The following GRID2 variants were observed in gnomAD, a reference collection of about 807,000 sequenced individuals.
GRID2 encodes glutamate ionotropic receptor delta type subunit 2.
GRID2 carries 33 observed loss-of-function variants against 114.8 expected under a neutral mutation model. The ratio of observed to expected loss-of-function variants is 0.29; its 90% CI spans 0.22 to 0.38. The LOEUF (loss-of-function observed/expected upper bound fraction) is 0.38. Among genes scored for constraint, GRID2 ranks in the 10% least tolerant of loss-of-function variants. The probability of loss-of-function intolerance (pLI) is 1.00; values close to 1 mark genes in which losing one functional copy is unlikely to be tolerated. For missense variants in GRID2, 1,184 were observed against 1,257.7 expected (o/e 0.94, Z 0.89); for synonymous variants, 505 against 449.9 (o/e 1.12, Z -1.55).
intron 8 of GRID2, among the ~76,000 whole-genome samples, chr4:93,246,297 A>T (rs189862144): frequency 5.1e-4 from 77 of 152,220 alleles, no homozygotes; most frequent in African/African-American, 1.8e-3. Flanking sequence ...AGAAAATATT[A>T]TGAAGTAGGG....
chr4:93,030,654 G>A (rs1292843988), intron 2 of GRID2, among the ~76,000 whole-genome samples: 1 of 151,988 alleles, frequency 6.6e-6, no homozygotes, highest in Non-Finnish European at 1.5e-5. Flanking sequence ...CAAAGTGCGG[G>A]GATTACAGGT....
chr4:92,547,951 T>C (rs1054074205), intron 1 of GRID2, among the ~76,000 whole-genome samples: 1 of 151,914 alleles, frequency 6.6e-6, no homozygotes, highest in Non-Finnish European at 1.5e-5. Flanking sequence ...AAGAAGTAAA[T>C]AAAACAAACA....
chr4:92,707,134 A>G (rs532634737), intron 2 of GRID2, among the ~76,000 whole-genome samples: 4 of 152,324 alleles, frequency 2.6e-5, no homozygotes, highest in African/African-American at 7.2e-5. Context: ...TTACATGTCT[A>G]TAAGCTGAAT....
At chr4:93,417,329 T>A (rs910821460) in intron 9 of GRID2, among the ~76,000 whole-genome samples, 11 of 152,076 alleles carry the variant, frequency 7.2e-5, no homozygotes, top group Admixed American at 6.6e-4. Flanking sequence ...AATCTTCAAT[T>A]CCCTGTCAAG....
At chr4:93,555,990 AC>A (rs1482318005) in intron 13 of GRID2, among the ~76,000 whole-genome samples, 1 of 152,100 alleles carries the variant, frequency 6.6e-6, no homozygotes, top group Non-Finnish European at 1.5e-5. Context: ...CCTCCAGCAA[AC>A]TCCAGCAGAC....
intron 2 of GRID2, among the ~76,000 whole-genome samples, chr4:92,887,212 C>G (rs1338814057): frequency 7.2e-5 from 11 of 152,170 alleles, no homozygotes; most frequent in Admixed American, 7.2e-4. Context: ...GAAAGCCCAG[C>G]AACATAATGT....
At chr4:93,585,743 C>T (rs544762254) in intron 13 of GRID2, among the ~76,000 whole-genome samples, 1 of 151,978 alleles carries the variant, frequency 6.6e-6, no homozygotes, top group Non-Finnish European at 1.5e-5. Flanking sequence ...CAAACTAGAT[C>T]CTGCCCAGAC....
intron 7 of GRID2, among the ~76,000 whole-genome samples, chr4:93,227,482 C>T (rs1195867377): frequency 6.6e-6 from 1 of 152,112 alleles, no homozygotes; most frequent in Non-Finnish European, 1.5e-5. Flanking sequence ...CTGCCTCAGC[C>T]TCCCAAAGTG....
chr4:93,568,955 TC>T (rs1295448062), intron 13 of GRID2, among the ~76,000 whole-genome samples: 1 of 152,134 alleles, frequency 6.6e-6, no homozygotes, highest in Non-Finnish European at 1.5e-5. Flanking sequence ...AAGATTTACT[TC>T]CAACACCTGT....
intron 12 of GRID2, among the ~76,000 whole-genome samples, chr4:93,509,636 T>A (rs1162991643): frequency 1.3e-5 from 2 of 152,152 alleles, no homozygotes; most frequent in Non-Finnish European, 2.9e-5. Context: ...TCCCAAAGAT[T>A]GAAACACAAA....
chr4:93,314,938 T>C (rs1386376429), intron 8 of GRID2, among the ~76,000 whole-genome samples: 1 of 152,132 alleles, frequency 6.6e-6, no homozygotes, highest in Non-Finnish European at 1.5e-5. Flanking sequence ...CAATAGTCAC[T>C]GTATTAGTCT....
intron 4 of GRID2, among the ~76,000 whole-genome samples, chr4:93,187,440 T>G (rs544161053): frequency 1.5e-4 from 23 of 152,138 alleles, no homozygotes; most frequent in African/African-American, 5.5e-4. Context: ...CACACCCAAC[T>G]AATTTTTGTG....
intron 13 of GRID2, among the ~76,000 whole-genome samples, chr4:93,623,584 C>T (rs1425450167): frequency 6.6e-6 from 1 of 152,102 alleles, no homozygotes; most frequent in Non-Finnish European, 1.5e-5. Flanking sequence ...TGGAACCAAC[C>T]CAAATGTCCA....
At chr4:93,132,099 G>T (rs1044883409) in intron 4 of GRID2, among the ~76,000 whole-genome samples, 1 of 152,130 alleles carries the variant, frequency 6.6e-6, no homozygotes, top group African/African-American at 2.4e-5. Context: ...ACTAAGGAAA[G>T]GATAAATTAG....
chr4:92,865,984 TA>T (rs1560651347), intron 2 of GRID2, among the ~76,000 whole-genome samples: 4 of 152,160 alleles, frequency 2.6e-5, no homozygotes. Flanking sequence ...TCACTAATAG[TA>T]AATTGATAAA....
intron 10 of GRID2, among the ~76,000 whole-genome samples, chr4:93,441,802 G>C (rs1201229704): frequency 6.6e-6 from 1 of 151,738 alleles, no homozygotes; most frequent in East Asian, 1.9e-4. Flanking sequence ...TTTTCTTTTT[G>C]TAATTTGGTA....
intron 14 of GRID2, among the ~76,000 whole-genome samples, chr4:93,663,161 T>G (rs1723645448): frequency 1.3e-5 from 2 of 152,188 alleles, no homozygotes; most frequent in African/African-American, 4.8e-5. Context: ...ATAACCCAAA[T>G]TTCTCTAGGC....
In GRID2 at chr4:93,757,951, C is replaced by T. The variant is rs184027909; in HGVS notation, c.2361-11259C>T. On this transcript the variant is annotated intron_variant, in intron 14 of 15. Transcript: ENST00000282020. Reference sequence around the variant, plus strand: ...TAGCCTGGGAAACAGGGCGAGACTCCGTCTCAAAAAAAAGAAAAAGAAAGA... The same window carrying T: ...TAGCCTGGGAAACAGGGCGAGACTCTGTCTCAAAAAAAAGAAAAAGAAAGA... 2.9e-3 allele frequency among the ~76,000 whole-genome samples: 446 copies of T among 151,838 alleles called. 7 individuals carry two copies. Among genetic ancestry groups the T allele is most frequent in the Admixed American group, 0.025 (384 of 15,246 alleles).
intron 13 of GRID2, among the ~76,000 whole-genome samples, chr4:93,536,564 G>A (rs1462371835): frequency 6.6e-6 from 1 of 150,762 alleles, no homozygotes; most frequent in Non-Finnish European, 1.5e-5. Flanking sequence ...TGTAAGATGT[G>A]AAACTCTAAA....
Sources: allele counts gnomAD v4.1 joint callset (sites outside exome capture counted in the v4.1 genomes callset), GRCh38; gene constraint gnomAD v4.1.1; transcripts MANE v1.5; gene names NCBI Gene and HGNC (gene_info 2026-07-23, HGNC 2026-07-21).